Variants in SVOPL observed in about 807,000 individuals in gnomAD.
The protein encoded by SVOPL is SVOP like.
Under a neutral mutation model 61.0 loss-of-function variants are expected in SVOPL, and 60 were observed. That is an observed-to-expected ratio of 0.98 (90% CI 0.80 to 1.22). The LOEUF (loss-of-function observed/expected upper bound fraction) is 1.22. Ranked by LOEUF, SVOPL falls within the 50% of genes most tolerant of loss-of-function variation. SVOPL has a pLI of 0.00. For missense variants in SVOPL, 662 were observed against 643.9 expected (o/e 1.03, Z -0.30); for synonymous variants, 279 against 250.0 (o/e 1.12, Z -1.09).
intron 4 of SVOPL, chr7:138,664,344 C>A (rs1038716650): frequency 1.4e-5 from 9 of 652,080 alleles, no homozygotes; most frequent in East Asian, 1.4e-4. Context: ...CCTGGCCCTC[C>A]ATCGGGCGTG....
At chr7:138,696,362 C>T (rs1803065048) in intron 1 of SVOPL, among the ~76,000 whole-genome samples, 1 of 152,130 alleles carries the variant, frequency 6.6e-6, no homozygotes, top group Non-Finnish European at 1.5e-5. Flanking sequence ...TCCCAAATAG[C>T]TGGAACCACA....
At chr7:138,669,567 G>A (rs1802364158) in intron 4 of SVOPL, among the ~76,000 whole-genome samples, 1 of 152,232 alleles carries the variant, frequency 6.6e-6, no homozygotes, top group African/African-American at 2.4e-5. Flanking sequence ...TCTGAGGGCA[G>A]CTCCCAGAGA....
intron 9 of SVOPL, among the ~76,000 whole-genome samples, chr7:138,641,802 A>AATATATATATTATAT (rs1233555964): frequency 2.6e-4 from 24 of 91,822 alleles, no homozygotes; most frequent in Non-Finnish European, 8.8e-5. Flanking sequence ...AGACGTATCA[A>AATATATATATTATAT]ATATATATAT....
At position 138,622,190 on chromosome 7, in the gene SVOPL, C is replaced by CTGTCTATG. The variant is rs1799671267; in HGVS notation, c.1264-1056_1264-1055insCATAGACA. ...TGTATCTATCTGTCTATGTATCTAT[C>CTGTCTATG]TATCTATCTATGTATCTATCTATCT... On this transcript the variant is annotated intron_variant, in intron 13 of 15. Coordinates refer to ENST00000674285, the MANE Select transcript of SVOPL (RefSeq NM_001139456.2). Among the ~76,000 whole-genome samples, 4 of 73,324 alleles carry CTGTCTATG rather than the reference C, an allele frequency of 5.5e-5. 1 individual carries two copies. Among genetic ancestry groups the CTGTCTATG allele is most frequent in the African/African-American group, 1.6e-4 (3 of 19,236 alleles). The allele number at this position is 73,324 out of a possible 152,430, so 48.1% of individuals were successfully genotyped here.
intron 1 of SVOPL, among the ~76,000 whole-genome samples, chr7:138,686,977 T>A (rs945670253): frequency 6.6e-6 from 1 of 152,160 alleles, no homozygotes; most frequent in South Asian, 2.1e-4. Flanking sequence ...TATTCCCAGA[T>A]GGGAAAAAGA....
At chr7:138,600,750 GATC>G (rs546525969) in intron 14 of SVOPL, among the ~76,000 whole-genome samples, 235 of 152,196 alleles carry the variant, frequency 1.5e-3, no homozygotes, top group Non-Finnish European at 3.0e-3. Context: ...CAACCTCACT[GATC>G]ATCAGGAAAA....
chr7:138,597,966 T>C (rs979279270), intron 14 of SVOPL, among the ~76,000 whole-genome samples: 1 of 152,206 alleles, frequency 6.6e-6, no homozygotes, highest in Admixed American at 6.5e-5. Flanking sequence ...GGAGAGTAAC[T>C]GCCTAGGCTT....
chr7:138,653,414 G>A (rs1801533611), intron 7 of SVOPL, among the ~76,000 whole-genome samples: 1 of 152,182 alleles, frequency 6.6e-6, no homozygotes, highest in Admixed American at 6.6e-5. Flanking sequence ...AGGACGGGCT[G>A]AATCTGTTAT....
intron 14 of SVOPL, among the ~76,000 whole-genome samples, chr7:138,618,748 G>C (rs1406101048): frequency 6.9e-6 from 1 of 145,188 alleles, no homozygotes; most frequent in Non-Finnish European, 1.5e-5. Context: ...AAAAAGAAAA[G>C]GAAAGAAAGA....
In SVOPL at chr7:138,628,157, C is replaced by G. The variant is rs749503633; in HGVS notation, c.1069+1G>C. 6.2e-7 allele frequency: 1 copy of G among 1,614,138 alleles called. No homozygotes were observed. Among genetic ancestry groups the G allele is most frequent in the Non-Finnish European group, 8.5e-7 (1 of 1,180,010 alleles). On this transcript the variant is annotated splice_donor_variant, in intron 11 of 15. Coordinates refer to ENST00000674285, the MANE Select transcript of SVOPL (RefSeq NM_001139456.2). LOFTEE classifies it high-confidence loss of function. ...GACCCAACACGCAGAGGGACACTTA[C>G]AAGCAATTTCACCGATGGTGCTGAT...
At chr7:138,623,897 G>T (rs1047521727) in intron 13 of SVOPL, among the ~76,000 whole-genome samples, 1 of 151,832 alleles carries the variant, frequency 6.6e-6, no homozygotes, top group South Asian at 2.1e-4. Context: ...TCGACTCACC[G>T]CAACCTTTGC....
chr7:138,638,579 G>A (rs1800618045), intron 9 of SVOPL, among the ~76,000 whole-genome samples: 2 of 151,924 alleles, frequency 1.3e-5, no homozygotes, highest in East Asian at 1.9e-4. Context: ...GGGTGACAGG[G>A]TGAGACCCCA....
At position 138,647,807 on chromosome 7, in the gene SVOPL, C is replaced by T. The variant is rs568862037; in HGVS notation, c.660+1205G>A. 5.4e-5 allele frequency among the ~76,000 whole-genome samples: 8 copies of T among 148,844 alleles called. No homozygotes were observed. In the South Asian group the frequency reaches 1.7e-3, roughly 32 times the overall value. ...AGGTTGCAGTGAGCCGAGATTGTGC[C>T]ATTGCACTCCAGCCTGGGCAATAGA... On this transcript the variant is annotated intron_variant, in intron 8 of 15. Transcript: ENST00000674285.
chr7:138,682,085 A>T (rs931242150), intron 1 of SVOPL, among the ~76,000 whole-genome samples: 2 of 152,248 alleles, frequency 1.3e-5, no homozygotes, highest in Non-Finnish European at 2.9e-5. Flanking sequence ...GTAACAAAAC[A>T]GTTGCTGAGG....
intron 9 of SVOPL, among the ~76,000 whole-genome samples, chr7:138,637,785 C>T (rs1343548742): frequency 6.6e-6 from 1 of 151,718 alleles, no homozygotes; most frequent in African/African-American, 2.4e-5. Context: ...AACGCCATCT[C>T]TACTAAAAAT....
intron 1 of SVOPL, chr7:138,689,058 A>G: frequency 1.4e-6 from 1 of 724,968 alleles, no homozygotes; most frequent in South Asian, 1.3e-5. Context: ...TGTTCACTTT[A>G]AGAACACTCA....
intron 8 of SVOPL, among the ~76,000 whole-genome samples, chr7:138,646,634 T>G (rs1365363370): frequency 6.6e-6 from 1 of 152,150 alleles, no homozygotes; most frequent in Admixed American, 6.6e-5. Flanking sequence ...CCCTCCCATC[T>G]CAGCCTCCTG....
At chr7:138,687,851 G>A (rs1426007527) in intron 1 of SVOPL, among the ~76,000 whole-genome samples, 1 of 151,704 alleles carries the variant, frequency 6.6e-6, no homozygotes, top group Non-Finnish European at 1.5e-5. Context: ...CACCAGGCTG[G>A]AGTGCAGTGG....
intron 15 of SVOPL, among the ~76,000 whole-genome samples, chr7:138,595,169 G>A (rs1426643320): frequency 6.6e-6 from 1 of 152,010 alleles, no homozygotes; most frequent in Non-Finnish European, 1.5e-5. Context: ...CTATTGACCA[G>A]GTTGGTTCAT....
Sources: gnomAD v4.1 joint callset for allele counts (sites outside exome capture counted in the v4.1 genomes callset) on GRCh38, gnomAD v4.1.1 for gene constraint, MANE v1.5 for transcripts, NCBI Gene and HGNC (gene_info 2026-07-23, HGNC 2026-07-21) for gene names.